Variants in TSHR observed in about 807,000 individuals in gnomAD.
TSHR encodes the protein thyrotropin receptor.
Under a neutral mutation model 64.1 loss-of-function variants are expected in TSHR, and 51 were observed. The observed-to-expected ratio is 0.80, with a 90% CI of 0.64 to 1.01. The LOEUF (loss-of-function observed/expected upper bound fraction) is 1.01, where lower values mean the gene tolerates loss of function less well. TSHR is among the 50% of genes least tolerant of loss of function. TSHR has a pLI of 0.00. For synonymous variants in TSHR, 361 were observed against 361.9 expected (o/e 1.00, Z 0.03); for missense variants, 877 against 942.8 (o/e 0.93, Z 0.91).
intron 1 of TSHR, chr14:80,994,443 C>G (rs1888900823): frequency 6.6e-6 from 1 of 151,842 alleles, no homozygotes; most frequent in African/African-American, 2.4e-5. Flanking sequence ...GCAAAAAGAA[C>G]AAAGCTGGAA....
chr14:80,973,483 G>A (rs1457125760), intron 1 of TSHR, among the ~76,000 whole-genome samples: 1 of 147,288 alleles, frequency 6.8e-6, no homozygotes, highest in African/African-American at 2.5e-5. Context: ...TTCCCGTGTC[G>A]AAAGGTTTTA....
intron 1 of TSHR, chr14:80,993,728 G>C (rs1191100821): frequency 6.6e-6 from 1 of 151,942 alleles, no homozygotes; most frequent in Non-Finnish European, 1.5e-5. Flanking sequence ...CTATAATTAA[G>C]GGACTTAACA....
At chr14:81,082,308 T>C (rs1887961465) in intron 3 of TSHR, among the ~76,000 whole-genome samples, 1 of 152,240 alleles carries the variant, frequency 6.6e-6, no homozygotes, top group South Asian at 2.1e-4. Flanking sequence ...GATAAACCAG[T>C]GCAAGGCTCT....
chr14:80,972,628 A>T lies in TSHR; in HGVS notation c.170+16778A>T, dbSNP rs548939722. Reference sequence around the variant, plus strand: ...TGATGTGAAATTCACACAATATAAAATTAACCATTTTCAAGTATAACTACC... The same window carrying T: ...TGATGTGAAATTCACACAATATAAATTTAACCATTTTCAAGTATAACTACC... On this transcript the variant is annotated intron_variant, in intron 1 of 9. Coordinates refer to ENST00000298171, the MANE Select transcript of TSHR (RefSeq NM_000369.5). Among the ~76,000 whole-genome samples the T allele has an allele frequency of 6.0e-4, 92 of 152,150 alleles. 1 individual carries two copies. Among genetic ancestry groups the T allele is most frequent in the Non-Finnish European group, 1.1e-3 (72 of 68,032 alleles).
At chr14:80,987,779 G>A (rs1231109161) in intron 1 of TSHR, among the ~76,000 whole-genome samples, 1 of 152,048 alleles carries the variant, frequency 6.6e-6, no homozygotes, top group African/African-American at 2.4e-5. Context: ...ATTCCTTTCA[G>A]ACTGACTTCT....
intron 1 of TSHR, among the ~76,000 whole-genome samples, chr14:80,968,011 T>A (rs1594898118): frequency 1.3e-5 from 2 of 152,172 alleles, no homozygotes; most frequent in East Asian, 1.9e-4. Context: ...TATCCATCAG[T>A]TCTTGGCTCC....
intron 1 of TSHR, among the ~76,000 whole-genome samples, chr14:81,048,564 G>A (rs767109533): frequency 1.4e-4 from 21 of 152,138 alleles, no homozygotes; most frequent in Non-Finnish European, 2.6e-4. Context: ...GCTCCAAGCT[G>A]CCAGGATGGG....
chr14:80,977,860 A>G (rs1273131224), intron 1 of TSHR, among the ~76,000 whole-genome samples: 2 of 152,238 alleles, frequency 1.3e-5, no homozygotes, highest in Non-Finnish European at 2.9e-5. Flanking sequence ...AAACAAAAGT[A>G]TAACTCTTAA....
At chr14:80,999,617 G>T (rs776296418) in intron 1 of TSHR, among the ~76,000 whole-genome samples, 20 of 152,158 alleles carry the variant, frequency 1.3e-4, no homozygotes, top group Non-Finnish European at 2.4e-4. Context: ...AAAGCTAAAA[G>T]TGGATTTTTT....
At chr14:81,075,017 T>C (rs1170863711) in intron 3 of TSHR, among the ~76,000 whole-genome samples, 1 of 152,258 alleles carries the variant, frequency 6.6e-6, no homozygotes, top group Non-Finnish European at 1.5e-5. Context: ...GCTGCCTCCT[T>C]GTAAATTTGG....
intron 1 of TSHR, among the ~76,000 whole-genome samples, chr14:81,025,933 G>A (rs1884027070): frequency 6.6e-6 from 1 of 152,146 alleles, no homozygotes; most frequent in South Asian, 2.1e-4. Context: ...GACCTCAAAG[G>A]ATGACAGTGC....
intron 1 of TSHR, among the ~76,000 whole-genome samples, chr14:80,960,666 T>G (rs557179290): frequency 6.6e-6 from 1 of 152,346 alleles, no homozygotes; most frequent in South Asian, 2.1e-4. Context: ...GACAGATATA[T>G]ATGTGTGTAT....
chr14:81,011,219 C>A (rs893155698), intron 1 of TSHR, among the ~76,000 whole-genome samples: 2 of 83,874 alleles, frequency 2.4e-5, no homozygotes, highest in Admixed American at 1.3e-4. Context: ...TTCTTTTCTT[C>A]TTTCTTTTTT....
intron 1 of TSHR, among the ~76,000 whole-genome samples, chr14:80,984,254 G>C (rs150100582): frequency 9.3e-4 from 142 of 152,278 alleles, no homozygotes; most frequent in South Asian, 6.0e-3. Flanking sequence ...TGCATTATTT[G>C]TTCAATTTTA....
At chr14:80,995,760 GT>G (rs1432546479) in intron 1 of TSHR, 1 of 150,744 alleles carries the variant, frequency 6.6e-6, no homozygotes, top group Non-Finnish European at 1.5e-5. Context: ...GAAATAATCT[GT>G]ACAACAAACT....
In TSHR at chr14:81,144,391, CA is replaced by C. The variant is rs1891851779; in HGVS notation, c.*42del. 1 of 1,601,798 alleles carries C rather than the reference CA, an allele frequency of 6.2e-7. No homozygotes were observed. The highest frequency in any genetic ancestry group is 1.7e-5 in the Admixed American group (1 of 59,970). The stretch of plus-strand genomic sequence containing the variant: ...CTACTCACAATGGTAGGGGAACTTA[CA>C]AAATAATAGTTTCTTGAATATGCAT... On this transcript the variant is annotated 3_prime_UTR_variant, in exon 10 of 10. Coordinates refer to ENST00000298171, the MANE Select transcript of TSHR (RefSeq NM_000369.5).
At chr14:80,979,084 A>G (rs1414880814) in intron 1 of TSHR, among the ~76,000 whole-genome samples, 2 of 152,248 alleles carry the variant, frequency 1.3e-5, no homozygotes, top group African/African-American at 4.8e-5. Flanking sequence ...AACTATCTGT[A>G]TACCCATCTC....
intron 2 of TSHR, among the ~76,000 whole-genome samples, chr14:81,064,845 A>G (rs191481140): frequency 1.3e-5 from 2 of 152,146 alleles, no homozygotes; most frequent in Non-Finnish European, 2.9e-5. Context: ...TGAAGAAAGA[A>G]CAATTTTAAG....
Position 81,143,877 on chromosome 14 carries a change from A to G in TSHR, c.1819A>G (p.Thr607Ala). ...VCCCYVKIYI[T>A]VRNPQYNPGD... ...CTGCTGTTATGTGAAGATCTACATCACAGTCCGAAATCCGCAGTACAACCC... is the reference window on the plus strand; with the variant it reads ...CTGCTGTTATGTGAAGATCTACATCGCAGTCCGAAATCCGCAGTACAACCC... Residue 607 changes from threonine to alanine, a missense_variant, in exon 10 of 10, where the codon ACA becomes GCA. Physicochemically the swap from Thr to Ala is moderately conservative, Grantham distance 58 (BLOSUM62 0). Coordinates refer to ENST00000298171, the MANE Select transcript of TSHR (RefSeq NM_000369.5). 6.2e-7 allele frequency: 1 copy of G among 1,614,156 alleles called. No individual in the cohort carries two copies. Among genetic ancestry groups the G allele is most frequent in the Non-Finnish European group, 8.5e-7 (1 of 1,180,024 alleles).
Sources: gnomAD v4.1 joint callset for allele counts (sites outside exome capture counted in the v4.1 genomes callset) on GRCh38, gnomAD v4.1.1 for gene constraint, MANE v1.5 for transcripts, NCBI Gene and HGNC (gene_info 2026-07-23, HGNC 2026-07-21) for gene names.